Variants in TRIP12 observed in about 807,000 individuals in gnomAD.
The protein encoded by TRIP12 is thyroid hormone receptor interactor 12.
Under a neutral mutation model 244.2 loss-of-function variants are expected in TRIP12, and 25 were observed. That is an observed-to-expected ratio of 0.10 (90% CI 0.07 to 0.14). The LOEUF (loss-of-function observed/expected upper bound fraction) is 0.14. Ranked by LOEUF, TRIP12 falls within the 10% of genes least tolerant of loss-of-function variation. TRIP12 has a pLI of 1.00. For synonymous variants in TRIP12, 905 were observed against 873.1 expected, an observed-to-expected ratio of 1.04 and a Z score of -0.64; for missense variants, 1,677 against 2,486.4, an observed-to-expected ratio of 0.67 and a Z score of 6.92.
In TRIP12 at chr2:229,892,992, AAATTG is replaced by A. The variant is rs2067762643; in HGVS notation, c.-49-12869_-49-12865del. 3.3e-5 allele frequency among the ~76,000 whole-genome samples: 5 copies of A among 152,256 alleles called. No individual in the cohort carries two copies. In the South Asian group the frequency reaches 1.0e-3, roughly 31 times the overall value. On this transcript the variant is annotated intron_variant, in intron 1 of 41. Transcript: ENST00000675903. ...CATTTGTAAAACAGGCTAGTTACACAAATTGAATTATCTTCCTGAACTTTCCATTT... is the reference window on the plus strand; with the variant it reads ...CATTTGTAAAACAGGCTAGTTACACAAATTATCTTCCTGAACTTTCCATTT...
intron 33 of TRIP12, 64 bp downstream of exon 33, chr2:229,787,441 T>A (rs1170265552): frequency 6.5e-7 from 1 of 1,534,766 alleles, no homozygotes; most frequent in African/African-American, 1.4e-5. Flanking sequence ...ATATACTACA[T>A]TTCTAGTTTT....
chr2:229,817,162 A>G (rs1300182669), intron 9 of TRIP12, among the ~76,000 whole-genome samples: 2 of 152,214 alleles, frequency 1.3e-5, no homozygotes, highest in Admixed American at 6.5e-5. Context: ...AACTCAAGCT[A>G]TCTCCATAAT....
intron 1 of TRIP12, among the ~76,000 whole-genome samples, chr2:229,891,553 G>T (rs775807437): frequency 6.6e-6 from 1 of 152,202 alleles, no homozygotes; most frequent in Non-Finnish European, 1.5e-5. Flanking sequence ...AGCAAGCCAT[G>T]ATTGTGCCAC....
chr2:229,864,552 T>C (rs1050749572), intron 2 of TRIP12, among the ~76,000 whole-genome samples: 1 of 152,012 alleles, frequency 6.6e-6, no homozygotes, highest in East Asian at 1.9e-4. Flanking sequence ...AAATTATTTC[T>C]GCCAGATTTT....
At chr2:229,848,499 T>C (rs1255770077) in intron 4 of TRIP12, among the ~76,000 whole-genome samples, 1 of 151,966 alleles carries the variant, frequency 6.6e-6, no homozygotes, top group African/African-American at 2.4e-5. Context: ...AAAAAAAGCA[T>C]TTCAAGAGAA....
At chr2:229,864,539 A>G (rs933653363) in intron 2 of TRIP12, among the ~76,000 whole-genome samples, 2 of 151,404 alleles carry the variant, frequency 1.3e-5, no homozygotes, top group Non-Finnish European at 2.9e-5. Context: ...TATTTCTTTC[A>G]CTAAATTATT....
chr2:229,838,143 A>G (rs1320082027), intron 5 of TRIP12, among the ~76,000 whole-genome samples: 1 of 152,074 alleles, frequency 6.6e-6, no homozygotes, highest in Non-Finnish European at 1.5e-5. Flanking sequence ...CTTACCTGAG[A>G]GCACTGGAAG....
intron 1 of TRIP12, among the ~76,000 whole-genome samples, chr2:229,919,202 G>T (rs1472916388): frequency 1.3e-5 from 2 of 152,138 alleles, no homozygotes; most frequent in Non-Finnish European, 2.9e-5. Context: ...TCACCTGAGA[G>T]GTCGGGAGTT....
upstream of TRIP12, chr2:229,922,395 T>C: frequency 2.1e-6 from 2 of 958,010 alleles, no homozygotes; most frequent in Non-Finnish European, 3.2e-6. Context: ...CGCCCCAAGT[T>C]AGAAATCCTT....
intron 24 of TRIP12, among the ~76,000 whole-genome samples, chr2:229,797,154 T>G (rs1201071154): frequency 1.3e-5 from 2 of 152,014 alleles, no homozygotes; most frequent in Non-Finnish European, 2.9e-5. Flanking sequence ...ATTAATACAT[T>G]TAAGGTCTCA....
intron 1 of TRIP12, among the ~76,000 whole-genome samples, chr2:229,889,813 A>G (rs368799480): frequency 8.5e-5 from 13 of 152,326 alleles, no homozygotes; most frequent in African/African-American, 3.1e-4. Flanking sequence ...GAGGGAGCAG[A>G]GAAAGAATGA....
At chr2:229,849,856 G>T (rs866201815) in intron 4 of TRIP12, among the ~76,000 whole-genome samples, 1 of 151,212 alleles carries the variant, frequency 6.6e-6, no homozygotes, top group South Asian at 2.1e-4. Context: ...GAAAAAAAAG[G>T]TCTTATATAA....
intron 1 of TRIP12, among the ~76,000 whole-genome samples, chr2:229,885,736 G>C (rs777848108): frequency 6.6e-6 from 1 of 152,130 alleles, no homozygotes; most frequent in Non-Finnish European, 1.5e-5. Flanking sequence ...AAAGCACTGA[G>C]AGGTGCTGAG....
intron 2 of TRIP12, among the ~76,000 whole-genome samples, chr2:229,876,245 C>T (rs909951263): frequency 6.6e-6 from 1 of 152,124 alleles, no homozygotes; most frequent in Non-Finnish European, 1.5e-5. Flanking sequence ...CACTGCACTC[C>T]AGCCTGTGTG....
chr2:229,803,114 G>A (rs190477066), intron 20 of TRIP12, among the ~76,000 whole-genome samples: 2 of 152,320 alleles, frequency 1.3e-5, no homozygotes, highest in Admixed American at 6.5e-5. Context: ...TATTTAACGT[G>A]AGTGAATGAG....
At chr2:229,807,954 A>C in intron 16 of TRIP12, 90 bp from the exon 17 acceptor site, 1 of 1,395,850 alleles carries the variant, frequency 7.2e-7, no homozygotes, top group Non-Finnish European at 9.6e-7. Context: ...ACACAAACCA[A>C]AAGTTGTATT....
chr2:229,850,916 T>A (rs932456243), intron 4 of TRIP12, among the ~76,000 whole-genome samples: 3 of 152,234 alleles, frequency 2.0e-5, no homozygotes, highest in African/African-American at 4.8e-5. Flanking sequence ...CCACCGGCGC[T>A]GCACTCGATT....
chr2:229,804,916 T>A (rs2045456911), intron 18 of TRIP12, among the ~76,000 whole-genome samples: 2 of 152,114 alleles, frequency 1.3e-5, no homozygotes, highest in Admixed American at 6.5e-5. Context: ...TTAATTTATT[T>A]ATTTATTCAG....
intron 2 of TRIP12, among the ~76,000 whole-genome samples, chr2:229,878,782 C>T (rs2064181673): frequency 6.6e-6 from 1 of 151,780 alleles, no homozygotes; most frequent in Non-Finnish European, 1.5e-5. Context: ...CGGGGTTTCA[C>T]CATGTTAGCC....
Sources: gnomAD v4.1 joint callset for allele counts (sites outside exome capture counted in the v4.1 genomes callset) on GRCh38, gnomAD v4.1.1 for gene constraint, MANE v1.5 for transcripts, NCBI Gene and HGNC (gene_info 2026-07-23, HGNC 2026-07-21) for gene names.